XRCC2: variants seen among roughly 807,000 people sequenced by gnomAD.
XRCC2 encodes the protein X-ray repair cross complementing 2.
In XRCC2, 24 loss-of-function variants were observed where a neutral mutation model predicts 27.3. The ratio of observed to expected loss-of-function variants is 0.88; its 90% CI spans 0.64 to 1.24. The LOEUF (loss-of-function observed/expected upper bound fraction) is 1.24, where lower values mean the gene tolerates loss of function less well. XRCC2 is among the 50% of genes most tolerant of loss of function. XRCC2 has a pLI of 0.00. For missense variants in XRCC2, 321 were observed against 325.8 expected, an observed-to-expected ratio of 0.99 and a Z score of 0.11; for synonymous variants, 106 against 115.4, an observed-to-expected ratio of 0.92 and a Z score of 0.52.
At chr7:152,661,626 C>T (rs2098033122) in intron 1 of XRCC2, among the ~76,000 whole-genome samples, 1 of 152,172 alleles carries the variant, frequency 6.6e-6, no homozygotes, top group Admixed American at 6.5e-5. Context: ...CATAGGGACA[C>T]TGTGAGCAGC....
rs550648468 is a variant in XRCC2 at position 152,666,159 on chromosome 7, T to C, written c.40-5377A>G. 3.9e-5 allele frequency among the ~76,000 whole-genome samples: 6 copies of C among 152,326 alleles called. No homozygotes were observed. In the South Asian group the frequency reaches 1.2e-3, roughly 32 times the overall value. ...ACATGAATGTAAATATTTTAAAATT[T>C]TAAATTTGTTTCATGGACACATATA... On this transcript the variant is annotated intron_variant, in intron 1 of 2. Transcript: ENST00000359321.
chr7:152,657,964 T>TTTTTTGTTTG (rs1393982789), intron 2 of XRCC2, among the ~76,000 whole-genome samples: 1 of 150,854 alleles, frequency 6.6e-6, no homozygotes, highest in African/African-American at 2.4e-5. Context: ...GTCTTTGTTT[T>TTTTTTGTTTG]TTTTTTTCTT....
chr7:152,668,971 A>C (rs1263089262), intron 1 of XRCC2, among the ~76,000 whole-genome samples: 1 of 152,208 alleles, frequency 6.6e-6, no homozygotes, highest in Non-Finnish European at 1.5e-5. Flanking sequence ...GATTTAATCA[A>C]GATCTCTGTG....
intron 1 of XRCC2, among the ~76,000 whole-genome samples, chr7:152,664,780 G>A (rs2098034857): frequency 6.6e-6 from 1 of 152,106 alleles, no homozygotes; most frequent in Admixed American, 6.6e-5. Context: ...ATGTCCAGGT[G>A]GCCTCTTCAG....
chr7:152,648,802 C>CAG lies in XRCC2; in HGVS notation c.681_682dup (p.Cys228SerfsTer9). 1 of 1,614,172 alleles carries CAG rather than the reference C, an allele frequency of 6.2e-7. No individual in the cohort carries two copies. Among genetic ancestry groups the CAG allele is most frequent in the South Asian group, 1.1e-5 (1 of 91,076 alleles). On this transcript the variant is annotated frameshift_variant, in exon 3 of 3. Transcript: ENST00000359321. LOFTEE classifies it high-confidence loss of function. ...CTTCACCAGTTGCTGCCATGCCTTA[C>CAG]AGAGATAAGGTCTGTAGTCTATGTC...
At chr7:152,674,214 T>G (rs963256471) in intron 1 of XRCC2, among the ~76,000 whole-genome samples, 3 of 152,218 alleles carry the variant, frequency 2.0e-5, no homozygotes, top group Non-Finnish European at 4.4e-5. Context: ...GATGTTAAAT[T>G]CTTTGTTCCA....
At chr7:152,651,483 T>C (rs3218524) in intron 2 of XRCC2, among the ~76,000 whole-genome samples, 2,039 of 150,730 alleles carry the variant, frequency 0.014, 44 homozygotes, top group African/African-American at 0.047. Flanking sequence ...TCCCAGCTAA[T>C]TGGGAAGCTG....
At chr7:152,660,576 AT>A in intron 2 of XRCC2, 124 bp downstream of exon 2, 1 of 736,280 alleles carries the variant, frequency 1.4e-6, no homozygotes, top group Non-Finnish European at 2.1e-6. Flanking sequence ...CCTGTGTCTC[AT>A]TTTCCAATTG....
At chr7:152,657,963 T>TTTTTTTG (rs1162940946) in intron 2 of XRCC2, among the ~76,000 whole-genome samples, 3 of 150,670 alleles carry the variant, frequency 2.0e-5, no homozygotes, top group Non-Finnish European at 4.4e-5. Context: ...TGTCTTTGTT[T>TTTTTTTG]TTTTTTTTCT....
intron 1 of XRCC2, among the ~76,000 whole-genome samples, chr7:152,675,224 G>C (rs1227853445): frequency 6.6e-6 from 1 of 152,004 alleles, no homozygotes; most frequent in Non-Finnish European, 1.5e-5. Flanking sequence ...ACTCCCGACT[G>C]TCTCCGCTCT....
At chr7:152,665,199 A>C (rs1293943535) in intron 1 of XRCC2, among the ~76,000 whole-genome samples, 49 of 151,864 alleles carry the variant, frequency 3.2e-4, no homozygotes. Flanking sequence ...TACTTCAAAA[A>C]CCCTTCAGTC....
At chr7:152,668,690 C>G (rs1176785599) in intron 1 of XRCC2, among the ~76,000 whole-genome samples, 1 of 152,136 alleles carries the variant, frequency 6.6e-6, no homozygotes, top group Non-Finnish European at 1.5e-5. Flanking sequence ...GGCAAAATTT[C>G]CTAACTAGAA....
intron 1 of XRCC2, among the ~76,000 whole-genome samples, chr7:152,671,041 C>A (rs1395142405): frequency 6.6e-6 from 1 of 152,070 alleles, no homozygotes; most frequent in Non-Finnish European, 1.5e-5. Context: ...ATGGTGAAAC[C>A]CCATCTCTAC....
chr7:152,645,117 C>G lies in XRCC2; in HGVS notation c.*3525G>C, dbSNP rs182962146. 1 of 151,528 alleles carries G rather than the reference C, an allele frequency of 6.6e-6. No homozygotes were observed. The highest frequency in any genetic ancestry group is 1.5e-5 in the Non-Finnish European group (1 of 67,880). The allele number at this position is 151,528 out of a possible 1,614,324, so 9.4% of individuals were successfully genotyped here. A position where few individuals can be genotyped will look rare whatever the true frequency, so the allele number is the denominator to read the frequency against. Reference sequence around the variant, plus strand: ...TGGCAGTGAGCTGCACTTTTTTTTTCTAAATGGGAAAAGGGTTAAACTCTG... The same window carrying G: ...TGGCAGTGAGCTGCACTTTTTTTTTGTAAATGGGAAAAGGGTTAAACTCTG... On this transcript the variant is annotated 3_prime_UTR_variant, in exon 3 of 3. Coordinates refer to ENST00000359321, the MANE Select transcript of XRCC2 (RefSeq NM_005431.2).
At chr7:152,657,960 G>GTTTTTTTTTGTT (rs760103375) in intron 2 of XRCC2, among the ~76,000 whole-genome samples, 6 of 136,228 alleles carry the variant, frequency 4.4e-5, no homozygotes, top group African/African-American at 1.4e-4. Flanking sequence ...TTTTGTCTTT[G>GTTTTTTTTTGTT]TTTTTTTTTT....
At position 152,646,304 on chromosome 7, in the gene XRCC2, GTGTGT is replaced by G. The variant is rs2098025876; in HGVS notation, c.*2333_*2337del. 1 of 4,884 alleles carries G rather than the reference GTGTGT, an allele frequency of 2.0e-4. No individual in the cohort carries two copies. The highest frequency in any genetic ancestry group is 4.9e-4 in the African/African-American group (1 of 2,042). The allele number at this position is 4,884 out of a possible 1,614,324, so 0.3% of individuals were successfully genotyped here. ...ACGTATTCTAAGTCTGTGAGAGGGT[GTGTGT>G]GTGTGTGTGTGTGTGTGTTGTTCCC... On this transcript the variant is annotated 3_prime_UTR_variant, in exon 3 of 3. Transcript: ENST00000359321.
intron 2 of XRCC2, among the ~76,000 whole-genome samples, chr7:152,655,440 G>A (rs1486982158): frequency 6.6e-6 from 1 of 152,226 alleles, no homozygotes; most frequent in Non-Finnish European, 1.5e-5. Context: ...TGGGCGTGGT[G>A]GTTCACGCCC....
At chr7:152,672,616 C>G (rs1214343277) in intron 1 of XRCC2, among the ~76,000 whole-genome samples, 1 of 152,168 alleles carries the variant, frequency 6.6e-6, no homozygotes, top group Non-Finnish European at 1.5e-5. Context: ...CCAATATTCT[C>G]TAGATCTCAG....
intron 1 of XRCC2, among the ~76,000 whole-genome samples, chr7:152,671,333 T>C (rs546202197): frequency 3.3e-5 from 5 of 152,332 alleles, no homozygotes; most frequent in Middle Eastern, 3.4e-3. Context: ...TTTTGCCAAA[T>C]TGAGTTAACT....
Sources: allele counts gnomAD v4.1 joint callset (sites outside exome capture counted in the v4.1 genomes callset), GRCh38; gene constraint gnomAD v4.1.1; transcripts MANE v1.5; gene names NCBI Gene and HGNC (gene_info 2026-07-23, HGNC 2026-07-21).